Variants in MARCHF8 observed in about 807,000 individuals in gnomAD.
The protein encoded by MARCHF8 is membrane associated ring-CH-type finger 8.
In MARCHF8, 40 loss-of-function variants were observed where a neutral mutation model predicts 51.6. The ratio of observed to expected loss-of-function variants is 0.77; its 90% CI spans 0.60 to 1.01. The LOEUF (loss-of-function observed/expected upper bound fraction) is 1.01, where lower values mean the gene tolerates loss of function less well. Ranked by LOEUF, MARCHF8 falls within the 50% of genes least tolerant of loss-of-function variation. The probability of loss-of-function intolerance (pLI) is 0.00; values close to 1 mark genes in which losing one functional copy is unlikely to be tolerated. For missense variants in MARCHF8, 685 were observed against 708.6 expected (o/e 0.97, Z 0.38); for synonymous variants, 263 against 280.3 (o/e 0.94, Z 0.62).
intron 6 of MARCHF8, chr10:45,459,788 G>C (rs1004427119): frequency 3.0e-6 from 3 of 985,322 alleles, no homozygotes; most frequent in African/African-American, 1.7e-5. Flanking sequence ...TCGACGCTAA[G>C]AGTTCCTGGT....
intron 1 of MARCHF8, among the ~76,000 whole-genome samples, chr10:45,563,704 T>C (rs1259348130): frequency 6.6e-6 from 1 of 152,208 alleles, no homozygotes; most frequent in Non-Finnish European, 1.5e-5. Context: ...ATAACCATAA[T>C]CTATGTAAAT....
intron 3 of MARCHF8, among the ~76,000 whole-genome samples, chr10:45,478,582 A>G (rs1589097239): frequency 6.6e-6 from 1 of 150,896 alleles, no homozygotes; most frequent in East Asian, 1.9e-4. Flanking sequence ...AAAAAAAAAG[A>G]TCAATGAAAC....
At chr10:45,593,815 A>C (rs1386244348) in intron 1 of MARCHF8, among the ~76,000 whole-genome samples, 1 of 152,228 alleles carries the variant, frequency 6.6e-6, no homozygotes, top group Non-Finnish European at 1.5e-5. Flanking sequence ...GAACAAAATA[A>C]AGAGAAAAAT....
chr10:45,573,591 C>G (rs775572730), intron 1 of MARCHF8, among the ~76,000 whole-genome samples: 3 of 152,132 alleles, frequency 2.0e-5, no homozygotes, highest in Non-Finnish European at 4.4e-5. Flanking sequence ...CCAACTCGCC[C>G]AGCAGCCACT....
intron 3 of MARCHF8, among the ~76,000 whole-genome samples, chr10:45,485,756 A>G (rs1198574579): frequency 1.3e-5 from 2 of 152,222 alleles, no homozygotes; most frequent in African/African-American, 2.4e-5. Flanking sequence ...CATAAAGCAG[A>G]CTGCAGTGAC....
chr10:45,475,997 C>T (rs750307843), intron 3 of MARCHF8, among the ~76,000 whole-genome samples: 1 of 152,184 alleles, frequency 6.6e-6, no homozygotes, highest in Non-Finnish European at 1.5e-5. Flanking sequence ...AGAGACTATA[C>T]TACTGCACAC....
intron 3 of MARCHF8, among the ~76,000 whole-genome samples, chr10:45,467,375 G>C (rs1448821279): frequency 1.3e-5 from 2 of 152,126 alleles, no homozygotes; most frequent in East Asian, 3.8e-4. Context: ...GAGATCTGTG[G>C]GGTCTTCACA....
intron 1 of MARCHF8, among the ~76,000 whole-genome samples, chr10:45,569,194 G>T (rs899226015): frequency 6.6e-6 from 1 of 152,100 alleles, no homozygotes; most frequent in African/African-American, 2.4e-5. Context: ...TAGACAAAAG[G>T]CTTTCAGTTT....
At chr10:45,535,638 T>C (rs1386145075), upstream of MARCHF8, among the ~76,000 whole-genome samples, 3 of 152,096 alleles carry the variant, frequency 2.0e-5, no homozygotes, top group African/African-American at 4.8e-5. Context: ...TAAAAATGAG[T>C]TTACAAACAA....
At chr10:45,461,873 C>A (rs1001538502) in intron 5 of MARCHF8, 1 of 152,402 alleles carries the variant, frequency 6.6e-6, no homozygotes, top group African/African-American at 2.4e-5. Flanking sequence ...TCATACCCCA[C>A]AACTACACAT....
chr10:45,460,258 A>T (rs1025488614), intron 6 of MARCHF8, among the ~76,000 whole-genome samples: 1 of 152,102 alleles, frequency 6.6e-6, no homozygotes, highest in Non-Finnish European at 1.5e-5. Context: ...CACCCTGTCA[A>T]TGTTCACCTT....
chr10:45,562,843 A>C (rs2044324656), intron 1 of MARCHF8, among the ~76,000 whole-genome samples: 1 of 152,204 alleles, frequency 6.6e-6, no homozygotes, highest in Non-Finnish European at 1.5e-5. Flanking sequence ...AAATCTCAAA[A>C]ATCAGTGTTT....
intron 1 of MARCHF8, among the ~76,000 whole-genome samples, chr10:45,574,880 C>A (rs2133402314): frequency 7.5e-6 from 1 of 133,928 alleles, no homozygotes; most frequent in East Asian, 2.2e-4. Context: ...AACTTGAGCC[C>A]TCACTCTTCC....
At chr10:45,540,462 A>G (rs1201970803) in intron 1 of MARCHF8, among the ~76,000 whole-genome samples, 1 of 152,160 alleles carries the variant, frequency 6.6e-6, no homozygotes, top group Non-Finnish European at 1.5e-5. Context: ...AACCATAAAA[A>G]CCCTAGAAGA....
At chr10:45,470,340 G>A (rs1487792671) in intron 3 of MARCHF8, among the ~76,000 whole-genome samples, 1 of 152,180 alleles carries the variant, frequency 6.6e-6, no homozygotes, top group African/African-American at 2.4e-5. Flanking sequence ...CCCGTCTGCT[G>A]GCTGACTCCA....
At chr10:45,559,555 T>C (rs562660320) in intron 1 of MARCHF8, among the ~76,000 whole-genome samples, 5 of 152,336 alleles carry the variant, frequency 3.3e-5, no homozygotes, top group African/African-American at 7.2e-5. Context: ...CGGGATTTCA[T>C]TGGCCATTTC....
chr10:45,555,243 A>C lies in MARCHF8; in HGVS notation c.-78-21954T>G, dbSNP rs75143336. 4.4e-3 allele frequency among the ~76,000 whole-genome samples: 665 copies of C among 152,034 alleles called. 3 individuals carry two copies. Among genetic ancestry groups the C allele is most frequent in the Non-Finnish European group, 6.4e-3 (438 of 67,968 alleles). The stretch of plus-strand genomic sequence containing the variant: ...ACACTCTTGTCTCAAGAAAAAAAGA[A>C]GGGACAATTTGATCATTAATAAGAA... On this transcript the variant is annotated intron_variant, in intron 1 of 6. Coordinates refer to the MARCHF8 transcript ENST00000319836.
At chr10:45,490,013 A>G (rs973297153) in intron 2 of MARCHF8, among the ~76,000 whole-genome samples, 10 of 152,212 alleles carry the variant, frequency 6.6e-5, no homozygotes, top group African/African-American at 2.4e-4. Context: ...CTCCACATTC[A>G]GTCACATAGT....
At chr10:45,524,275 C>T (rs1327114405) in intron 2 of MARCHF8, among the ~76,000 whole-genome samples, 1 of 152,114 alleles carries the variant, frequency 6.6e-6, no homozygotes, top group Admixed American at 6.5e-5. Context: ...ATCTTTGGTT[C>T]TTAAATGTTA....
Sources: gnomAD v4.1 joint callset for allele counts (sites outside exome capture counted in the v4.1 genomes callset) on GRCh38, gnomAD v4.1.1 for gene constraint, MANE v1.5 for transcripts, NCBI Gene and HGNC (gene_info 2026-07-23, HGNC 2026-07-21) for gene names.